KDM2A: variants seen among roughly 807,000 people sequenced by gnomAD.
KDM2A encodes the protein lysine-specific demethylase 2A.
KDM2A carries 3 observed loss-of-function variants against 137.3 expected under a neutral mutation model. The observed-to-expected ratio is 0.02, with a 90% confidence interval of 0.01 to 0.06. The LOEUF (loss-of-function observed/expected upper bound fraction) is 0.06, where lower values mean the gene tolerates loss of function less well. Ranked by LOEUF, KDM2A falls within the 10% of genes least tolerant of loss-of-function variation. The pLI is 1.00. For synonymous variants in KDM2A, 512 were observed against 541.5 expected (o/e 0.95, Z 0.76); for missense variants, 738 against 1,510.6 (o/e 0.49, Z 8.48).
At chr11:67,189,910 TTAAA>T (rs1314086483) in intron 5 of KDM2A, among the ~76,000 whole-genome samples, 2 of 151,712 alleles carry the variant, frequency 1.3e-5, no homozygotes, top group African/African-American at 2.4e-5. Flanking sequence ...ACCTTACAAC[TTAAA>T]TAACTAGAAA....
At chr11:67,124,773 C>T (rs1427387298) in intron 2 of KDM2A, among the ~76,000 whole-genome samples, 1 of 151,476 alleles carries the variant, frequency 6.6e-6, no homozygotes, top group Non-Finnish European at 1.5e-5. Flanking sequence ...CCTTAACTAG[C>T]ATATGTTTTC....
chr11:67,122,817 C>T (rs932829528), intron 2 of KDM2A, among the ~76,000 whole-genome samples: 34 of 151,590 alleles, frequency 2.2e-4, no homozygotes, highest in African/African-American at 8.2e-4. Flanking sequence ...CTGGGACTAT[C>T]GGCGCCCACC....
intron 2 of KDM2A, among the ~76,000 whole-genome samples, chr11:67,122,018 C>T (rs995701504): frequency 6.6e-6 from 1 of 152,120 alleles, no homozygotes; most frequent in African/African-American, 2.4e-5. Flanking sequence ...ATGCTTTCCT[C>T]GTAAGGTTTC....
chr11:67,250,018 A>T lies in KDM2A; in HGVS notation c.2056-68A>T. On this transcript the variant is annotated intron_variant, in intron 16 of 20. Transcript: ENST00000529006. This position sits in a 1 kb window ranked among gnomAD's most constrained non-coding sequence, Gnocchi z 7.1. ...GGTCCCCTGAGAGCAAGGGAGGTCCACCCTGTCGGTTCAGAGGGTTTGGAA... is the reference window on the plus strand; with the variant it reads ...GGTCCCCTGAGAGCAAGGGAGGTCCTCCCTGTCGGTTCAGAGGGTTTGGAA... The T allele has an allele frequency of 7.6e-7, 1 of 1,321,292 alleles. No individual in the cohort carries two copies. The highest frequency in any genetic ancestry group is 1.0e-6 in the Non-Finnish European group (1 of 963,660). The allele number at this position is 1,321,292 out of a possible 1,614,324, so 81.8% of individuals were successfully genotyped here.
chr11:67,214,247 C>G (rs1223970903), intron 6 of KDM2A, among the ~76,000 whole-genome samples: 3 of 131,858 alleles, frequency 2.3e-5, no homozygotes, highest in Non-Finnish European at 4.6e-5. Context: ...CTCTGTTACC[C>G]AGGCTGGAGT....
At chr11:67,229,475 A>G (rs1858644218) in intron 11 of KDM2A, among the ~76,000 whole-genome samples, 3 of 152,224 alleles carry the variant, frequency 2.0e-5, no homozygotes, top group Admixed American at 1.3e-4. Context: ...ATATCCTGGG[A>G]TCACATGTTC....
chr11:67,187,351 G>A (rs2136344334), intron 5 of KDM2A, among the ~76,000 whole-genome samples: 1 of 152,058 alleles, frequency 6.6e-6, no homozygotes, highest in South Asian at 2.1e-4. Flanking sequence ...CAAAAGACAA[G>A]AAATTGGCAG....
chr11:67,124,139 G>A (rs778609956), intron 2 of KDM2A, among the ~76,000 whole-genome samples: 5 of 150,804 alleles, frequency 3.3e-5, no homozygotes, highest in Admixed American at 6.6e-5. Flanking sequence ...GAGTAGCTGG[G>A]ACTACAGGTG....
At chr11:67,186,647 T>C (rs145116167) in intron 5 of KDM2A, among the ~76,000 whole-genome samples, 22 of 152,350 alleles carry the variant, frequency 1.4e-4, no homozygotes, top group Admixed American at 2.6e-4. Context: ...CCTTTTTGTT[T>C]TCTCCATAGT....
At chr11:67,144,974 A>G (rs1465957704) in intron 2 of KDM2A, among the ~76,000 whole-genome samples, 1 of 151,328 alleles carries the variant, frequency 6.6e-6, no homozygotes, top group Non-Finnish European at 1.5e-5. Flanking sequence ...GGGTCATGTG[A>G]TTCTCCTGCC....
chr11:67,121,523 C>T lies in KDM2A; in HGVS notation c.42+165C>T, dbSNP rs1040025154. ...TATTAATATCGAATTTGGCTTTTGG[C>T]CAAACATGTTTTATATTTTATATAT... On this transcript the variant is annotated intron_variant, in intron 2 of 20. Coordinates refer to ENST00000529006, the MANE Select transcript of KDM2A (RefSeq NM_012308.3). Among the ~76,000 whole-genome samples the T allele has an allele frequency of 7.2e-5, 11 of 152,096 alleles. No individual in the cohort carries two copies. In the East Asian group the frequency reaches 2.1e-3, roughly 29 times the overall value.
At chr11:67,196,432 G>C in intron 5 of KDM2A, 1 of 456,122 alleles carries the variant, frequency 2.2e-6, no homozygotes, top group South Asian at 1.5e-5. Context: ...GAGCCACAGT[G>C]CTTGGCTGAA....
Position 67,245,621 on chromosome 11 carries a change from A to C in KDM2A, c.1833+163A>C. The C allele has an allele frequency of 1.3e-6, 1 of 741,998 alleles. No individual in the cohort carries two copies. The highest frequency in any genetic ancestry group is 2.2e-6 in the Non-Finnish European group (1 of 464,016). 46.0% of individuals were successfully genotyped at this position (741,998 alleles called of 1,614,324 possible). A position where few individuals can be genotyped will look rare whatever the true frequency, so the allele number is the denominator to read the frequency against. On this transcript the variant is annotated intron_variant, in intron 14 of 20. Coordinates refer to ENST00000529006, the MANE Select transcript of KDM2A (RefSeq NM_012308.3). The surrounding 1 kb of genome is among the most constrained non-coding windows in gnomAD (Gnocchi z 4.1). ...CCTTTTTTCCCCAGGTTTAGATAGA[A>C]GGTATCTAGTACTAAAAATCCGATT...
chr11:67,255,708 ACCC>A lies in KDM2A; in HGVS notation c.*654_*656del. The A allele has an allele frequency of 2.6e-6, 1 of 388,962 alleles. No individual in the cohort carries two copies. The highest frequency in any genetic ancestry group is 1.9e-5 in the South Asian group (1 of 53,522). The allele number at this position is 388,962 out of a possible 1,614,324, so 24.1% of individuals were successfully genotyped here. Reference sequence around the variant, plus strand: ...ATAATTAGGTTTCCCACCCCAGCCTACCCGACTTACTTGCTAGTCTCTATGAGG... The same window carrying A: ...ATAATTAGGTTTCCCACCCCAGCCTAGACTTACTTGCTAGTCTCTATGAGG... On this transcript the variant is annotated 3_prime_UTR_variant, in exon 21 of 21. Transcript: ENST00000529006.
chr11:67,128,493 C>G (rs1215510882), intron 2 of KDM2A, among the ~76,000 whole-genome samples: 1 of 151,342 alleles, frequency 6.6e-6, no homozygotes, highest in Non-Finnish European at 1.5e-5. Flanking sequence ...AGTCTTTAGT[C>G]TGTGTTGGTA....
Position 67,253,554 on chromosome 11 carries a change from G to A in KDM2A, c.3034G>A (p.Val1012Ile), listed in dbSNP as rs1859505623. ...LLRTLDLRWA[V>I]GIKDPQIRDL... Reference sequence around the variant, plus strand: ...CAGGACCCTTGATCTTCGGTGGGCAGTAGGAATCAAGGACCCTCAAATTCG... The same window carrying A: ...CAGGACCCTTGATCTTCGGTGGGCAATAGGAATCAAGGACCCTCAAATTCG... Residue 1012 changes from valine (V) to isoleucine (I), a missense_variant, in exon 19 of 21, where the codon GTA (valine) becomes ATA (isoleucine). By Grantham distance (29) the Val-to-Ile change is conservative. This residue lies in a region of KDM2A where 166 missense variants were observed against 324.0 expected (regional missense o/e 0.51). Coordinates refer to ENST00000529006, the MANE Select transcript of KDM2A (RefSeq NM_012308.3). 2 of 1,613,872 alleles carry A rather than the reference G, an allele frequency of 1.2e-6. No individual in the cohort carries two copies. The highest frequency in any genetic ancestry group is 1.7e-6 in the Non-Finnish European group (2 of 1,179,874).
chr11:67,204,048 G>C (rs1347507390), intron 5 of KDM2A, among the ~76,000 whole-genome samples: 2 of 152,046 alleles, frequency 1.3e-5, no homozygotes, highest in South Asian at 4.2e-4. Context: ...TGATCTGCCC[G>C]CCTCGGCCTC....
chr11:67,224,461 CTTTTTTTTTT>C (rs35180780), intron 10 of KDM2A, among the ~76,000 whole-genome samples: 1 of 95,164 alleles, frequency 1.1e-5, no homozygotes, highest in Non-Finnish European at 1.9e-5. Context: ...TAACCCCTTT[CTTTTTTTTTT>C]TTTTTTTTTT....
chr11:67,188,994 C>T (rs1857277798), intron 5 of KDM2A, among the ~76,000 whole-genome samples: 1 of 152,106 alleles, frequency 6.6e-6, no homozygotes, highest in Non-Finnish European at 1.5e-5. Context: ...TACCCCCTCT[C>T]AATAATGGAT....
Sources: gnomAD v4.1 joint callset for allele counts (sites outside exome capture counted in the v4.1 genomes callset) on GRCh38, gnomAD v4.1.1 for gene constraint, gnomAD v4.1.1 regional missense constraint, Gnocchi (gnomAD v3.1) non-coding constraint, MANE v1.5 for transcripts, NCBI Gene and HGNC (gene_info 2026-07-23, HGNC 2026-07-21) for gene names.